The following CDIN1 variants were observed in gnomAD, a reference collection of about 807,000 sequenced individuals.
CDIN1 encodes the protein CDAN1 interacting nuclease 1.
CDIN1 carries 33 observed loss-of-function variants against 45.3 expected under a neutral mutation model. The observed-to-expected ratio is 0.73, with a 90% CI of 0.55 to 0.97. The LOEUF (loss-of-function observed/expected upper bound fraction) is 0.97, where lower values mean the gene tolerates loss of function less well. CDIN1 is among the 50% of genes least tolerant of loss of function. The pLI, the probability that CDIN1 is intolerant of heterozygous loss-of-function variation, is 0.00. For missense variants in CDIN1, 303 were observed against 339.4 expected (o/e 0.89, Z 0.84); for synonymous variants, 118 against 124.4 (o/e 0.95, Z 0.34).
intron 10 of CDIN1, among the ~76,000 whole-genome samples, chr15:36,764,219 T>TTG (rs201362056): frequency 0.011 from 1,357 of 120,814 alleles, 24 homozygotes; most frequent in African/African-American, 0.036. Context: ...TTTTGGTTTT[T>TTG]TTTTTTTTTT....
chr15:36,774,173 C>CGCGCGG (rs1390626131), intron 10 of CDIN1, among the ~76,000 whole-genome samples: 2 of 137,950 alleles, frequency 1.4e-5, no homozygotes, highest in Admixed American at 1.4e-4. Context: ...TGCGCGCGCG[C>CGCGCGG]GCATGCATGA....
chr15:36,756,924 AG>A (rs1177990933), intron 10 of CDIN1, among the ~76,000 whole-genome samples: 4 of 152,186 alleles, frequency 2.6e-5, no homozygotes, highest in Non-Finnish European at 4.4e-5. Context: ...ATGACTTGTC[AG>A]GAGGGGAGAG....
chr15:36,588,459 TTAGA>T (rs1390184309), intron 1 of CDIN1, among the ~76,000 whole-genome samples: 3 of 152,118 alleles, frequency 2.0e-5, no homozygotes, highest in Admixed American at 2.0e-4. Flanking sequence ...TGAGAATAGC[TTAGA>T]AAGAGAGAGA....
chr15:36,783,017 C>T (rs2054390991), intron 10 of CDIN1, among the ~76,000 whole-genome samples: 1 of 152,122 alleles, frequency 6.6e-6, no homozygotes, highest in Non-Finnish European at 1.5e-5. Context: ...TTTTTAAAAT[C>T]CAAGTCTCTT....
chr15:36,770,040 C>G (rs1028785067), intron 10 of CDIN1, among the ~76,000 whole-genome samples: 2 of 152,094 alleles, frequency 1.3e-5, no homozygotes, highest in African/African-American at 2.4e-5. Flanking sequence ...TATTTCTCCC[C>G]TTTCAGCCTT....
At position 36,589,070 on chromosome 15, in the gene CDIN1, A is replaced by G. The variant is rs569629452; in HGVS notation, c.101+9109A>G. On this transcript the variant is annotated intron_variant, in intron 1 of 10. Coordinates refer to ENST00000566621, the MANE Select transcript of CDIN1 (RefSeq NM_001321759.2). The stretch of plus-strand genomic sequence containing the variant: ...ATTGCTTGTGCAATAAGGAGAAATT[A>G]TATATTTCTCTAGGGGAAAAAAAGG... Among the ~76,000 whole-genome samples, 6 of 152,280 alleles carry G rather than the reference A, an allele frequency of 3.9e-5. No homozygotes were observed. The East Asian group carries it at 1.2e-3, about 29-fold the overall frequency.
intron 8 of CDIN1, among the ~76,000 whole-genome samples, chr15:36,701,543 C>A (rs181681591): frequency 6.6e-6 from 1 of 152,240 alleles, no homozygotes; most frequent in African/African-American, 2.4e-5. Flanking sequence ...TGAAGATAAA[C>A]CATCCATCTT....
intron 10 of CDIN1, among the ~76,000 whole-genome samples, chr15:36,751,475 C>G (rs1379436818): frequency 6.6e-6 from 1 of 151,446 alleles, no homozygotes; most frequent in East Asian, 2.0e-4. Flanking sequence ...GTGTGGATCA[C>G]TTGAGGCCAG....
At chr15:36,716,328 G>A (rs1261858938) in intron 10 of CDIN1, among the ~76,000 whole-genome samples, 3 of 152,182 alleles carry the variant, frequency 2.0e-5, no homozygotes, top group African/African-American at 7.2e-5. Context: ...AAACCAACAA[G>A]CAAAGGATTG....
At chr15:36,785,696 T>C (rs1027887576) in intron 10 of CDIN1, among the ~76,000 whole-genome samples, 1 of 152,190 alleles carries the variant, frequency 6.6e-6, no homozygotes, top group African/African-American at 2.4e-5. Context: ...AGATAACTAA[T>C]TGGAAGTTGA....
intron 10 of CDIN1, among the ~76,000 whole-genome samples, chr15:36,717,668 A>G (rs1159214542): frequency 6.6e-6 from 1 of 152,160 alleles, no homozygotes; most frequent in Non-Finnish European, 1.5e-5. Flanking sequence ...TCTTGAGTAA[A>G]GATGTAATGT....
chr15:36,770,799 A>G (rs2141023545), intron 10 of CDIN1, among the ~76,000 whole-genome samples: 1 of 152,308 alleles, frequency 6.6e-6, no homozygotes, highest in East Asian at 1.9e-4. Context: ...TAGGAGATCT[A>G]TCTGTTTCAG....
intron 10 of CDIN1, among the ~76,000 whole-genome samples, chr15:36,735,709 C>G (rs950869580): frequency 1.3e-5 from 2 of 151,984 alleles, no homozygotes; most frequent in African/African-American, 4.8e-5. Context: ...CTATATTATG[C>G]TTTTATCATA....
chr15:36,751,076 G>C (rs1281100459), intron 10 of CDIN1, among the ~76,000 whole-genome samples: 1 of 151,302 alleles, frequency 6.6e-6, no homozygotes, highest in Non-Finnish European at 1.5e-5. Context: ...ACTGGGTAAG[G>C]GAAGCCCAGT....
chr15:36,598,027 G>C (rs2037918301), intron 1 of CDIN1, among the ~76,000 whole-genome samples: 1 of 152,172 alleles, frequency 6.6e-6, no homozygotes, highest in South Asian at 2.1e-4. Flanking sequence ...GTCTCACTCT[G>C]TTGCCCAGGC....
intron 10 of CDIN1, among the ~76,000 whole-genome samples, chr15:36,763,251 G>T (rs1312242053): frequency 6.6e-6 from 1 of 152,182 alleles, no homozygotes; most frequent in Non-Finnish European, 1.5e-5. Flanking sequence ...CAGGGATGAT[G>T]AGCATTTTTT....
intron 1 of CDIN1, among the ~76,000 whole-genome samples, chr15:36,639,343 C>A (rs370794112): frequency 2.7e-5 from 4 of 145,840 alleles, no homozygotes; most frequent in Admixed American, 1.4e-4. Flanking sequence ...TGGTGGCTCA[C>A]GCCTGCAATC....
chr15:36,582,170 A>G (rs1218638730), intron 1 of CDIN1, among the ~76,000 whole-genome samples: 1 of 152,238 alleles, frequency 6.6e-6, no homozygotes, highest in Non-Finnish European at 1.5e-5. Context: ...TTTTTGAGAA[A>G]GTGTCTGCCA....
chr15:36,707,439 T>G (rs2042908498), intron 8 of CDIN1: 1 of 152,170 alleles, frequency 6.6e-6, no homozygotes, highest in South Asian at 2.1e-4. Flanking sequence ...TTTTGAGGTT[T>G]GGGATTGTTA....
Sources: gnomAD v4.1 joint callset for allele counts (sites outside exome capture counted in the v4.1 genomes callset) on GRCh38, gnomAD v4.1.1 for gene constraint, MANE v1.5 for transcripts, NCBI Gene and HGNC (gene_info 2026-07-23, HGNC 2026-07-21) for gene names.